The following KLHL29 variants were observed in gnomAD, a reference collection of about 807,000 sequenced individuals.
KLHL29 encodes the protein kelch like family member 29, also known as kelch-like protein 29.
KLHL29 carries 21 observed loss-of-function variants against 80.4 expected under a neutral mutation model. That is an observed-to-expected ratio of 0.26 (90% CI 0.19 to 0.38). The LOEUF (loss-of-function observed/expected upper bound fraction) is 0.38, where lower values mean the gene tolerates loss of function less well. Among genes scored for constraint, KLHL29 ranks in the 10% least tolerant of loss-of-function variants. The pLI is 1.00. For missense variants in KLHL29, 867 were observed against 1,223.9 expected, an observed-to-expected ratio of 0.71 and a Z score of 4.35; for synonymous variants, 511 against 526.8, an observed-to-expected ratio of 0.97 and a Z score of 0.41.
At chr2:23,537,916 T>G (rs1666721193) in intron 2 of KLHL29, among the ~76,000 whole-genome samples, 1 of 152,116 alleles carries the variant, frequency 6.6e-6, no homozygotes, top group African/African-American at 2.4e-5. Context: ...TTCATGACAG[T>G]AGGAAATACT....
chr2:23,421,245 G>A (rs1018873602), intron 1 of KLHL29, among the ~76,000 whole-genome samples: 1 of 152,218 alleles, frequency 6.6e-6, no homozygotes, highest in Non-Finnish European at 1.5e-5. Context: ...CTGTCTTGTG[G>A]TGTCTCCCGG....
intron 2 of KLHL29, among the ~76,000 whole-genome samples, chr2:23,550,883 A>G (rs1667106379): frequency 6.6e-6 from 1 of 152,200 alleles, no homozygotes; most frequent in Non-Finnish European, 1.5e-5. Context: ...GATCTAGAAT[A>G]ATCAGGCATG....
chr2:23,402,424 G>T (rs922957449), intron 1 of KLHL29, among the ~76,000 whole-genome samples: 1 of 152,226 alleles, frequency 6.6e-6, no homozygotes. Flanking sequence ...ATCTTTCCAG[G>T]ACACTAACCT....
chr2:23,390,845 G>C (rs532369960), intron 1 of KLHL29, among the ~76,000 whole-genome samples: 1 of 151,840 alleles, frequency 6.6e-6, no homozygotes, highest in East Asian at 1.9e-4. Context: ...GTAGAGACGG[G>C]GTTTCACCAT....
intron 2 of KLHL29, among the ~76,000 whole-genome samples, chr2:23,487,854 T>G (rs1189249372): frequency 6.6e-6 from 1 of 152,208 alleles, no homozygotes; most frequent in African/African-American, 2.4e-5. Flanking sequence ...ATGTTGAACC[T>G]GTAATTGTCA....
At chr2:23,403,917 C>A (rs1328854796) in intron 1 of KLHL29, among the ~76,000 whole-genome samples, 1 of 152,026 alleles carries the variant, frequency 6.6e-6, no homozygotes. Context: ...TGGGCAGAGC[C>A]CTCCCAAGAA....
chr2:23,465,847 T>C (rs1664336828), intron 1 of KLHL29, among the ~76,000 whole-genome samples: 1 of 152,138 alleles, frequency 6.6e-6, no homozygotes, highest in Non-Finnish European at 1.5e-5. Context: ...TCTGGCCATC[T>C]TCAGTCCCAC....
intron 5 of KLHL29, chr2:23,668,237 A>G (rs917537991): frequency 6.6e-6 from 1 of 152,258 alleles, no homozygotes; most frequent in Non-Finnish European, 1.5e-5. Context: ...ATCCCACAGC[A>G]TCTTCTCCAA....
At chr2:23,530,624 G>A (rs1017740452) in intron 2 of KLHL29, among the ~76,000 whole-genome samples, 1 of 152,178 alleles carries the variant, frequency 6.6e-6, no homozygotes, top group African/African-American at 2.4e-5. Flanking sequence ...CTTCCATCGT[G>A]TGGAATATTT....
intron 4 of KLHL29, 103 bp from the exon 5 acceptor site, chr2:23,642,235 G>A (rs773405005): frequency 7.3e-5 from 81 of 1,108,804 alleles, no homozygotes; most frequent in Non-Finnish European, 8.2e-5. Flanking sequence ...CAGGTGTCTC[G>A]TTCCCCTCTG....
intron 2 of KLHL29, among the ~76,000 whole-genome samples, chr2:23,487,185 T>C (rs542822052): frequency 2.0e-5 from 3 of 152,068 alleles, no homozygotes; most frequent in Admixed American, 2.0e-4. Flanking sequence ...TGTGTGACCT[T>C]TGTCTCTCCA....
At chr2:23,672,460 T>A (rs1356224655) in intron 5 of KLHL29, 2 of 152,392 alleles carry the variant, frequency 1.3e-5, no homozygotes, top group African/African-American at 4.8e-5. Context: ...CAGAGTGACA[T>A]GCCCCCCTCA....
At chr2:23,443,737 T>G (rs1410805627) in intron 1 of KLHL29, among the ~76,000 whole-genome samples, 1 of 152,248 alleles carries the variant, frequency 6.6e-6, no homozygotes, top group Non-Finnish European at 1.5e-5. Flanking sequence ...TTCCAGCACA[T>G]AATGTCAGGT....
At chr2:23,675,014 C>T (rs895138114) in intron 5 of KLHL29, among the ~76,000 whole-genome samples, 15 of 152,146 alleles carry the variant, frequency 9.9e-5, no homozygotes, top group Non-Finnish European at 2.2e-4. Context: ...ACAAAGTCCT[C>T]TCCACCTCTG....
intron 5 of KLHL29, among the ~76,000 whole-genome samples, chr2:23,651,786 C>T (rs538196865): frequency 5.3e-5 from 8 of 152,286 alleles, no homozygotes; most frequent in African/African-American, 7.2e-5. Flanking sequence ...GGTGAGGCCT[C>T]GATTCTTGGC....
intron 13 of KLHL29, among the ~76,000 whole-genome samples, chr2:23,705,222 G>A (rs1433798716): frequency 6.6e-6 from 1 of 152,234 alleles, no homozygotes; most frequent in East Asian, 1.9e-4. Flanking sequence ...GCCAGGCACA[G>A]TGGCTCACGC....
At chr2:23,553,964 G>A (rs2103491214) in intron 2 of KLHL29, among the ~76,000 whole-genome samples, 1 of 152,314 alleles carries the variant, frequency 6.6e-6, no homozygotes, top group South Asian at 2.1e-4. Flanking sequence ...TGAGAAGAGA[G>A]GGCGCATCAA....
Position 23,693,357 on chromosome 2 carries a change from C to G in KLHL29, c.1371C>G (p.Ala457=). 1.3e-6 allele frequency: 2 copies of G among 1,551,720 alleles called. No homozygotes were observed. The highest frequency in any genetic ancestry group is 1.7e-6 in the Non-Finnish European group (2 of 1,147,004). The stretch of plus-strand genomic sequence containing the variant: ...GCGAGCTCTACCACATGGCCAAGGC[C>G]TTCGCGCTGCAGATCTTCCCCGAGG... ...QCSELYHMAK[A]FALQIFPEVA... is the part of the protein sequence containing the mutation. Residue 457 remains alanine, a synonymous_variant, in exon 8 of 14, where the codon GCC becomes GCG. Coordinates refer to ENST00000486442, the MANE Select transcript of KLHL29 (RefSeq NM_052920.2).
chr2:23,618,432 A>C (rs901398394), intron 3 of KLHL29, among the ~76,000 whole-genome samples: 1 of 152,162 alleles, frequency 6.6e-6, no homozygotes, highest in African/African-American at 2.4e-5. Context: ...GGAAGGCCTC[A>C]TCCGATCAGT....
Sources: allele counts gnomAD v4.1 joint callset (sites outside exome capture counted in the v4.1 genomes callset), GRCh38; gene constraint gnomAD v4.1.1; transcripts MANE v1.5; gene names NCBI Gene and HGNC (gene_info 2026-07-23, HGNC 2026-07-21).